Variants in RLIG1 observed in about 807,000 individuals in gnomAD.
The protein encoded by RLIG1 is RNA ligase 1.
At chr12:88,042,236 AG>A in the RLIG1 span, 1 of 152,166 alleles carries the variant, frequency 6.6e-6, no homozygotes, top group Non-Finnish European at 1.5e-5. Flanking sequence ...CTGGTCACGT[AG>A]GTAGGCAGCT....
At chr12:88,035,715 C>G in the RLIG1 span, 119 of 1,604,376 alleles carry the variant, frequency 7.4e-5, no homozygotes, top group Non-Finnish European at 9.6e-5. Flanking sequence ...GAAAGAGGAG[C>G]CTTCCTCCAA....
chr12:88,046,787 T>C, the RLIG1 span: 5 of 1,585,654 alleles, frequency 3.2e-6, no homozygotes, highest in Non-Finnish European at 4.3e-6. Context: ...ATATGGCTAA[T>C]GGCAAATTTT....
At chr12:88,045,300 A>G in the RLIG1 span, 1 of 281,776 alleles carries the variant, frequency 3.5e-6, no homozygotes, top group African/African-American at 2.2e-5. Context: ...GTGTCTTAGA[A>G]TAATGTTCAG....
the RLIG1 span, chr12:88,045,374 G>C: frequency 1.9e-6 from 1 of 517,684 alleles, no homozygotes; most frequent in South Asian, 2.3e-5. Flanking sequence ...GTGAATAATA[G>C]GTTAATTCTA....
the RLIG1 span, chr12:88,049,781 G>A: frequency 6.3e-6 from 1 of 159,278 alleles, no homozygotes; most frequent in Non-Finnish European, 1.4e-5. Flanking sequence ...TTTTGGTTTA[G>A]ACTTCATTTA....
chr12:88,049,575 C>G, the RLIG1 span: 2 of 553,264 alleles, frequency 3.6e-6, no homozygotes, highest in Non-Finnish European at 6.4e-6. Context: ...TTCCATTGTA[C>G]AGTGTAAATA....
chr12:88,047,185 T>G, the RLIG1 span, among the ~76,000 whole-genome samples: 2 of 152,138 alleles, frequency 1.3e-5, no homozygotes, highest in East Asian at 3.9e-4. Context: ...ATAACAGGTG[T>G]GCTTCAGAAT....
At chr12:88,035,839 TG>T in the RLIG1 span, 6 of 1,535,530 alleles carry the variant, frequency 3.9e-6, no homozygotes. Flanking sequence ...GCTTTAGAAC[TG>T]CCCTGCAGGC....
At chr12:88,035,653 A>G in the RLIG1 span, 1 of 1,605,068 alleles carries the variant, frequency 6.2e-7, no homozygotes, top group Non-Finnish European at 8.5e-7. Flanking sequence ...CTCATCATGA[A>G]GCGCTTGGGC....
chr12:88,046,546 CTATTTACAAAAAAAG>C, the RLIG1 span, among the ~76,000 whole-genome samples: 1 of 38,854 alleles, frequency 2.6e-5, no homozygotes, highest in Non-Finnish European at 8.9e-5. Context: ...TCATGGAAAA[CTATTTACAAAAAAAG>C]TATCTGTCCA....
chr12:88,039,105 A>G, the RLIG1 span, among the ~76,000 whole-genome samples: 1 of 152,180 alleles, frequency 6.6e-6, no homozygotes, highest in Non-Finnish European at 1.5e-5. Context: ...GACGTGGGTG[A>G]TTCATTTATG....
the RLIG1 span, chr12:88,048,685 G>A: frequency 4.0e-6 from 1 of 249,034 alleles, no homozygotes; most frequent in Non-Finnish European, 7.6e-6. Context: ...ATAACTGAGT[G>A]GTAATTTAAA....
At chr12:88,036,076 A>T in the RLIG1 span, 1 of 1,379,930 alleles carries the variant, frequency 7.2e-7, no homozygotes, top group Non-Finnish European at 9.5e-7. Flanking sequence ...CTAATCAGGT[A>T]ATTGCCACAG....
At chr12:88,049,096 C>A in the RLIG1 span, 1 of 700,310 alleles carries the variant, frequency 1.4e-6, no homozygotes, top group Non-Finnish European at 2.4e-6. Context: ...GAAGGAAATA[C>A]TACAGTTCGG....
At chr12:88,049,456 T>C in the RLIG1 span, 6 of 1,002,796 alleles carry the variant, frequency 6.0e-6, no homozygotes, top group Middle Eastern at 3.1e-4. Context: ...ATAGGAAATA[T>C]ACATATTTTA....
chr12:88,035,934 G>C, the RLIG1 span: 1 of 1,520,536 alleles, frequency 6.6e-7, no homozygotes, highest in Admixed American at 2.0e-5. Flanking sequence ...ACTTTTCTTA[G>C]TTGTGAGGGA....
chr12:88,037,128 A>G, the RLIG1 span, among the ~76,000 whole-genome samples: 21 of 152,062 alleles, frequency 1.4e-4, no homozygotes, highest in Admixed American at 1.0e-3. Flanking sequence ...TTAACCATCT[A>G]TTTCATCCTG....
the RLIG1 span, among the ~76,000 whole-genome samples, chr12:88,038,798 T>C: frequency 1.3e-5 from 2 of 152,190 alleles, no homozygotes; most frequent in Non-Finnish European, 2.9e-5. Context: ...CTGTGATCTG[T>C]TATGTTTAGA....
chr12:88,048,281 C>A, the RLIG1 span: 4 of 1,598,466 alleles, frequency 2.5e-6, no homozygotes, highest in Non-Finnish European at 3.4e-6. Flanking sequence ...CAGATACTTA[C>A]ATGAATTCAA....
Sources: allele counts gnomAD v4.1 joint callset (sites outside exome capture counted in the v4.1 genomes callset), GRCh38; gene constraint gnomAD v4.1.1; transcripts MANE v1.5; gene names NCBI Gene and HGNC (gene_info 2026-07-23, HGNC 2026-07-21).